The following PLXNA2 variants were observed in gnomAD, a reference collection of about 807,000 sequenced individuals.
PLXNA2 encodes the protein plexin A2.
A neutral mutation model predicts 193.5 loss-of-function variants in PLXNA2; 91 were observed. The observed-to-expected ratio is 0.47, with a 90% CI of 0.40 to 0.56. The LOEUF (loss-of-function observed/expected upper bound fraction) is 0.56. Ranked by LOEUF, PLXNA2 falls within the 20% of genes least tolerant of loss-of-function variation. The pLI is 0.00. For synonymous variants in PLXNA2, 997 were observed against 1,027.3 expected (o/e 0.97, Z 0.56); for missense variants, 1,995 against 2,503.2 (o/e 0.80, Z 4.33).
intron 3 of PLXNA2, among the ~76,000 whole-genome samples, chr1:208,200,058 T>G (rs550478203): frequency 6.6e-6 from 1 of 152,310 alleles, no homozygotes; most frequent in Non-Finnish European, 1.5e-5. Flanking sequence ...CCAGATTTGT[T>G]ATTAAAGCCT....
At chr1:208,103,989 C>T (rs536271166) in intron 4 of PLXNA2, among the ~76,000 whole-genome samples, 2 of 152,284 alleles carry the variant, frequency 1.3e-5, no homozygotes, top group South Asian at 2.1e-4. Flanking sequence ...GGATATTACT[C>T]ACCCCTACTT....
chr1:208,134,732 G>T (rs1248976237), intron 4 of PLXNA2, among the ~76,000 whole-genome samples: 1 of 152,096 alleles, frequency 6.6e-6, no homozygotes, highest in African/African-American at 2.4e-5. Flanking sequence ...ATACACCTTG[G>T]CATGCTCTGC....
chr1:208,196,823 G>T lies in PLXNA2; in HGVS notation c.1371+13457C>A, dbSNP rs372161676. On this transcript the variant is annotated intron_variant, in intron 3 of 31. Transcript: ENST00000367033. ...CCTGAGAATGGGTGGAAAATAATGT[G>T]GTATTCAGAAGAATGGGTGGCAAGG... Among the ~76,000 whole-genome samples, 4 of 152,154 alleles carry T rather than the reference G, an allele frequency of 2.6e-5. No individual in the cohort carries two copies. In the East Asian group the frequency reaches 7.7e-4, roughly 29 times the overall value.
chr1:208,029,093 TC>T, intron 29 of PLXNA2, 51 bp from the exon 30 acceptor site: 1 of 1,604,020 alleles, frequency 6.2e-7, no homozygotes, highest in Non-Finnish European at 8.5e-7. Flanking sequence ...CCGTGCCCCT[TC>T]TGCTGCCCAC....
Position 208,038,385 on chromosome 1 carries a change from G to A in PLXNA2, c.4750C>T (p.Leu1584=). 2 of 1,610,984 alleles carry A rather than the reference G, an allele frequency of 1.2e-6. No individual in the cohort carries two copies. The highest frequency in any genetic ancestry group is 1.7e-6 in the Non-Finnish European group (2 of 1,177,080). The part of the protein sequence containing the change: ...IEGDWKRLNT[L]MHYQVSDRSV... ...CCCCCTCTCACCTGATAATGCATCAGTGTGTTGAGCCGCTTCCAGTCACCC... is the reference window on the plus strand; with the variant it reads ...CCCCCTCTCACCTGATAATGCATCAATGTGTTGAGCCGCTTCCAGTCACCC... The change falls in exon 26 of 32, where the codon CTG becomes TTG. Residue 1584 remains leucine (L), a synonymous_variant. Coordinates refer to ENST00000367033, the MANE Select transcript of PLXNA2 (RefSeq NM_025179.4). This position sits in a 1 kb window ranked among gnomAD's most constrained non-coding sequence, Gnocchi z 4.1.
At chr1:208,050,622 C>T (rs1032419537) in intron 17 of PLXNA2, among the ~76,000 whole-genome samples, 6 of 152,130 alleles carry the variant, frequency 3.9e-5, no homozygotes, top group Non-Finnish European at 1.5e-5. Context: ...CACTTGAGCC[C>T]AGGAGTTTGA....
rs1276787705 is a variant in PLXNA2, at chr1:208,217,799, G to C, written c.124C>G (p.His42Asp). Residue 42 changes from histidine to aspartate, a missense_variant, in exon 2 of 32, where the codon CAC (histidine) becomes GAC (aspartate). His to Asp is a moderately conservative substitution (Grantham distance 81). This residue lies in a region of PLXNA2 where 702 missense variants were observed against 812.9 expected (regional missense o/e 0.86). Coordinates refer to ENST00000367033, the MANE Select transcript of PLXNA2 (RefSeq NM_025179.4). This position sits in a 1 kb window ranked among gnomAD's most constrained non-coding sequence, Gnocchi z 4.7. The part of the protein sequence containing the change: ...AAGMPQFSTF[H>D]SENRDWTFNH... ...AAGGTCCAGTCACGATTCTCAGAGTGGAAGGTGCTGAACTGAGGCATGCCG... is the reference window on the plus strand; with the variant it reads ...AAGGTCCAGTCACGATTCTCAGAGTCGAAGGTGCTGAACTGAGGCATGCCG... 1 of 1,614,090 alleles carries C rather than the reference G, an allele frequency of 6.2e-7. No individual in the cohort carries two copies. The highest frequency in any genetic ancestry group is 2.2e-5 in the East Asian group (1 of 44,894).
intron 4 of PLXNA2, among the ~76,000 whole-genome samples, chr1:208,126,771 G>A (rs1667985650): frequency 6.6e-6 from 1 of 151,942 alleles, no homozygotes; most frequent in Non-Finnish European, 1.5e-5. Flanking sequence ...AGAGCCTATG[G>A]TATCTTCCTG....
chr1:208,027,398 C>T, intron 31 of PLXNA2, 60 bp from the exon 32 acceptor site: 2 of 1,412,834 alleles, frequency 1.4e-6, no homozygotes, highest in South Asian at 2.3e-5. Flanking sequence ...ACACCATTTT[C>T]TGGAGTCGTT....
At chr1:208,149,566 T>C (rs1168423180) in intron 3 of PLXNA2, among the ~76,000 whole-genome samples, 1 of 151,764 alleles carries the variant, frequency 6.6e-6, no homozygotes, top group Non-Finnish European at 1.5e-5. Flanking sequence ...GGTGTGTGTA[T>C]AAGTGTGGTG....
intron 2 of PLXNA2, among the ~76,000 whole-genome samples, chr1:208,215,101 C>T (rs991449667): frequency 2.6e-5 from 4 of 152,056 alleles, no homozygotes; most frequent in African/African-American, 9.7e-5. Flanking sequence ...CAACCTCCAC[C>T]TCCCATGCTC....
chr1:208,207,880 C>T (rs535734739), intron 3 of PLXNA2, among the ~76,000 whole-genome samples: 7 of 152,278 alleles, frequency 4.6e-5, no homozygotes, highest in South Asian at 4.1e-4. Context: ...TCATAGAAAC[C>T]GCCAAAGAAA....
chr1:208,080,632 C>T (rs2102383828), intron 11 of PLXNA2, among the ~76,000 whole-genome samples: 1 of 152,254 alleles, frequency 6.6e-6, no homozygotes, highest in African/African-American at 2.4e-5. Context: ...TCCTTTAGTC[C>T]CAGCTGCAGG....
intron 3 of PLXNA2, among the ~76,000 whole-genome samples, chr1:208,182,098 AAACCAGTAGAAGGAGATG>A (rs1267759506): frequency 6.6e-6 from 1 of 152,154 alleles, no homozygotes; most frequent in Non-Finnish European, 1.5e-5. Context: ...AAAAGGAATC[AAACCAGTAGAAGGAGATG>A]AGCAATGGGT....
intron 3 of PLXNA2, among the ~76,000 whole-genome samples, chr1:208,185,033 C>G (rs1669953822): frequency 6.6e-6 from 1 of 152,200 alleles, no homozygotes. Flanking sequence ...TCCCATCAGC[C>G]CCCTCCCTAC....
chr1:208,047,361 T>C (rs1226559050), intron 17 of PLXNA2, among the ~76,000 whole-genome samples: 13 of 91,018 alleles, frequency 1.4e-4, no homozygotes, highest in Non-Finnish European at 4.8e-5. Context: ...GAGTTCATGA[T>C]ATCTTTTTTC....
chr1:208,079,318 C>A lies in PLXNA2; in HGVS notation c.2528G>T (p.Ser843Ile). 6.2e-7 allele frequency: 1 copy of A among 1,613,454 alleles called. No homozygotes were observed. Among genetic ancestry groups the A allele is most frequent in the Non-Finnish European group, 8.5e-7 (1 of 1,179,426 alleles). The part of the protein sequence containing the change: ...TLHQHCTSPS[S>I]PWLDWSSHNV... ...GTGGCTGGACCAGTCGAGCCAGGGG[C>A]TGGAAGGGCTGGTACAGTGCTGGTG... Residue 843 changes from serine to isoleucine, a missense_variant, in exon 12 of 32, where the codon AGC (serine) becomes ATC (isoleucine). By Grantham distance (142) the Ser-to-Ile change is moderately radical (BLOSUM62 -2). Around this residue, in one of 3 missense-constraint regions of PLXNA2, gnomAD observed 1,291 missense variants for 1,673.6 expected, o/e 0.77. Coordinates refer to ENST00000367033, the MANE Select transcript of PLXNA2 (RefSeq NM_025179.4).
chr1:208,181,670 TC>T (rs1360744720), intron 3 of PLXNA2, among the ~76,000 whole-genome samples: 1 of 152,158 alleles, frequency 6.6e-6, no homozygotes, highest in Non-Finnish European at 1.5e-5. Context: ...GAGGGGAATC[TC>T]ACCCCTGCTC....
At chr1:208,165,163 C>A (rs1419416835) in intron 3 of PLXNA2, among the ~76,000 whole-genome samples, 1 of 152,240 alleles carries the variant, frequency 6.6e-6, no homozygotes, top group East Asian at 1.9e-4. Flanking sequence ...CCCTCCTTCT[C>A]AGCCTGGAGC....
Sources: gnomAD v4.1 joint callset for allele counts (sites outside exome capture counted in the v4.1 genomes callset) on GRCh38, gnomAD v4.1.1 for gene constraint, gnomAD v4.1.1 regional missense constraint, Gnocchi (gnomAD v3.1) non-coding constraint, MANE v1.5 for transcripts, NCBI Gene and HGNC (gene_info 2026-07-23, HGNC 2026-07-21) for gene names.